KCNC4: variants seen among roughly 807,000 people sequenced by gnomAD.
The protein encoded by KCNC4 is voltage-gated potassium channel KCNC4.
KCNC4 carries 23 observed loss-of-function variants against 42.8 expected under a neutral mutation model. That is an observed-to-expected ratio of 0.54 (90% CI 0.39 to 0.76). The LOEUF (loss-of-function observed/expected upper bound fraction) is 0.76. Ranked by LOEUF, KCNC4 falls within the 30% of genes least tolerant of loss-of-function variation. The pLI is 0.00. For synonymous variants in KCNC4, 422 were observed against 393.5 expected (o/e 1.07, Z -0.86); for missense variants, 751 against 898.2 (o/e 0.84, Z 2.10).
At chr1:110,236,928 T>G (rs1285078765), downstream of KCNC4, 3 of 152,208 alleles carry the variant, frequency 2.0e-5, no homozygotes. Flanking sequence ...AAATCTTTTT[T>G]TAATGAAATT....
At chr1:110,213,637 G>T (rs1203735729) in intron 1 of KCNC4, among the ~76,000 whole-genome samples, 1 of 152,240 alleles carries the variant, frequency 6.6e-6, no homozygotes, top group Non-Finnish European at 1.5e-5. Context: ...TCTTTCTCAG[G>T]ACTGACAACA....
rs10716289 is a variant in KCNC4 at position 110,263,346 on chromosome 1, GTT to G, written n.31-19178_31-19177del. Among the ~76,000 whole-genome samples the G allele has an allele frequency of 1.6e-3, 244 of 150,058 alleles. 3 individuals carry two copies. Among genetic ancestry groups the G allele is most frequent in the South Asian group, 8.4e-4 (4 of 4,752 alleles). ...TTTAAAAATACATGAGAATTTAAGGGTTTTTTTTTTTCCCACATCTGCTGAGG... is the reference window on the plus strand; with the variant it reads ...TTTAAAAATACATGAGAATTTAAGGGTTTTTTTTTCCCACATCTGCTGAGG... On this transcript the variant is annotated intron_variant and non_coding_transcript_variant, in intron 1 of 2. Transcript: ENST00000412512.
downstream of KCNC4, chr1:110,236,560 A>G (rs1190603525): frequency 6.6e-6 from 1 of 152,214 alleles, no homozygotes; most frequent in South Asian, 2.1e-4. Context: ...TTTTACGTGT[A>G]TGTACCCCAC....
chr1:110,279,785 T>C (rs565460979), intron 1 of KCNC4, among the ~76,000 whole-genome samples: 3 of 151,090 alleles, frequency 2.0e-5, no homozygotes, highest in African/African-American at 7.3e-5. Flanking sequence ...CCCTGTGGGC[T>C]TTAGGAATTT....
At chr1:110,245,279 T>G (rs1659121695) in exon 4 of KCNC4, 1 of 152,190 alleles carries the variant, frequency 6.6e-6, no homozygotes, top group Non-Finnish European at 1.5e-5. Flanking sequence ...TCCGGCTGGA[T>G]TTTGGCTTTA....
At chr1:110,215,078 T>A (rs1657713372) in intron 1 of KCNC4, among the ~76,000 whole-genome samples, 2 of 152,270 alleles carry the variant, frequency 1.3e-5, no homozygotes, top group Non-Finnish European at 2.9e-5. Flanking sequence ...GGAGCAGTGC[T>A]CTGCCCTGAG....
chr1:110,242,890 C>T (rs530790361), exon 4 of KCNC4: 5 of 152,332 alleles, frequency 3.3e-5, no homozygotes, highest in African/African-American at 9.6e-5. Flanking sequence ...TGTGGCCAGC[C>T]CCTTGGCACC....
Position 110,225,961 on chromosome 1 carries a change from T to C in KCNC4, c.1616-14T>C. 6.4e-7 allele frequency: 1 copy of C among 1,566,176 alleles called. No individual in the cohort carries two copies. The highest frequency in any genetic ancestry group is 2.3e-5 in the East Asian group (1 of 44,318). Reference sequence around the variant, plus strand: ...CGCCCCTCATGCAGCCTCCTTTCTGTGTGCCCCCTTCAGACTCTAAGCAGA... The same window carrying C: ...CGCCCCTCATGCAGCCTCCTTTCTGCGTGCCCCCTTCAGACTCTAAGCAGA... On this transcript the variant is annotated splice_polypyrimidine_tract_variant and intron_variant, in intron 2 of 3. Coordinates refer to ENST00000438661, the MANE Select transcript of KCNC4 (RefSeq NM_001039574.3).
At chr1:110,249,524 A>G (rs887792781), downstream of KCNC4, among the ~76,000 whole-genome samples, 10 of 152,222 alleles carry the variant, frequency 6.6e-5, no homozygotes, top group African/African-American at 2.4e-4. Context: ...CTTCCTTCCA[A>G]TGAGTCTGAT....
chr1:110,263,240 T>C (rs1380166118), intron 1 of KCNC4, among the ~76,000 whole-genome samples: 1 of 152,166 alleles, frequency 6.6e-6, no homozygotes. Flanking sequence ...ATCCCTTGGG[T>C]AAGAGATACG....
At chr1:110,217,005 G>T (rs1269519018) in intron 1 of KCNC4, among the ~76,000 whole-genome samples, 1 of 152,144 alleles carries the variant, frequency 6.6e-6, no homozygotes, top group Non-Finnish European at 1.5e-5. Context: ...AGAGCAGGGG[G>T]TCACCTTGGC....
At chr1:110,260,879 G>C (rs945733658) in intron 1 of KCNC4, among the ~76,000 whole-genome samples, 1 of 152,222 alleles carries the variant, frequency 6.6e-6, no homozygotes. Flanking sequence ...GCAGTGAGCC[G>C]AGATCGCGCC....
Position 110,223,066 on chromosome 1 carries a change from C to G in KCNC4, c.781C>G (p.Leu261Val). The change falls in exon 2 of 4, where the codon CTC becomes GTC. Residue 261 changes from leucine (L) to valine (V), a missense_variant. Transcript: ENST00000438661. The surrounding 1 kb of genome is among the most constrained non-coding windows in gnomAD (Gnocchi z 7.5). ...FNIDRNVTEILRVGNITSVHF... is the reference protein window; with the variant it reads ...FNIDRNVTEIVRVGNITSVHF... ...TATCGACCGCAACGTGACAGAGATC[C>G]TCCGCGTAGGGAACATCACCAGCGT... 6.2e-7 allele frequency: 1 copy of G among 1,614,204 alleles called. No individual in the cohort carries two copies.
chr1:110,279,666 C>G (rs1659787627), intron 1 of KCNC4, among the ~76,000 whole-genome samples: 1 of 152,062 alleles, frequency 6.6e-6, no homozygotes, highest in African/African-American at 2.4e-5. Flanking sequence ...CTGATGTTTT[C>G]CATTATTCCT....
At chr1:110,271,117 A>G (rs1659626761) in intron 1 of KCNC4, among the ~76,000 whole-genome samples, 1 of 152,212 alleles carries the variant, frequency 6.6e-6, no homozygotes, top group Non-Finnish European at 1.5e-5. Context: ...GTGAACTGGC[A>G]AGGGCTAGAT....
rs1406400413 is a variant in KCNC4 at position 110,210,647 on chromosome 1, G to A, written c.-853G>A. Among the ~76,000 whole-genome samples the A allele has an allele frequency of 6.6e-6, 1 of 151,156 alleles. No individual in the cohort carries two copies. Among genetic ancestry groups the A allele is most frequent in the East Asian group, 2.0e-4 (1 of 5,124 alleles). On this transcript the variant is annotated 5_prime_UTR_variant, in exon 1 of 4. Transcript: ENST00000438661. The stretch of plus-strand genomic sequence containing the variant: ...GAGCCCGGCTCCCCAGAGCGGCCCC[G>A]CCCCCCAGGCTCGGCGCCGCGCAGG...
intron 1 of KCNC4, among the ~76,000 whole-genome samples, chr1:110,255,574 G>T (rs370866055): frequency 6.6e-6 from 1 of 152,164 alleles, no homozygotes; most frequent in East Asian, 1.9e-4. Context: ...AGACACCCAG[G>T]CAAATCAGTA....
In KCNC4 at chr1:110,219,329, G is replaced by A. The variant is rs1323047247; in HGVS notation, c.679-3635G>A. Among the ~76,000 whole-genome samples the A allele has an allele frequency of 4.6e-5, 7 of 152,176 alleles. 1 individual carries two copies. The highest frequency in any genetic ancestry group is 4.6e-4 in the Admixed American group (7 of 15,270). On this transcript the variant is annotated intron_variant, in intron 1 of 3. Coordinates refer to ENST00000438661, the MANE Select transcript of KCNC4 (RefSeq NM_001039574.3). ...CTATTGGGTGCCAGGCATTTACCAT[G>A]TAGAAGCTCATTTAATCCTACCGTA...
chr1:110,267,326 T>C (rs1659555545), intron 1 of KCNC4, among the ~76,000 whole-genome samples: 2 of 152,164 alleles, frequency 1.3e-5, no homozygotes, highest in African/African-American at 4.8e-5. Context: ...GGGGTTTTCT[T>C]TGAAGGGAAT....
Sources: gnomAD v4.1 joint callset for allele counts (sites outside exome capture counted in the v4.1 genomes callset) on GRCh38, gnomAD v4.1.1 for gene constraint, Gnocchi (gnomAD v3.1) non-coding constraint, MANE v1.5 for transcripts, NCBI Gene and HGNC (gene_info 2026-07-23, HGNC 2026-07-21) for gene names.